CLTCL1: variants seen among roughly 807,000 people sequenced by gnomAD.
The protein encoded by CLTCL1 is clathrin heavy chain 2.
Under a neutral mutation model 190.0 loss-of-function variants are expected in CLTCL1, and 159 were observed. The observed-to-expected ratio is 0.84, with a 90% CI of 0.74 to 0.95. The LOEUF (loss-of-function observed/expected upper bound fraction) is 0.95. CLTCL1 is among the 40% of genes least tolerant of loss of function. The probability of loss-of-function intolerance (pLI) is 0.00; values close to 1 mark genes in which losing one functional copy is unlikely to be tolerated. For missense variants in CLTCL1, 1,878 were observed against 2,033.4 expected (o/e 0.92, Z 1.47); for synonymous variants, 752 against 769.6 (o/e 0.98, Z 0.38).
At chr22:19,259,825 C>A (rs375711304) in intron 2 of CLTCL1, among the ~76,000 whole-genome samples, 64 of 152,176 alleles carry the variant, frequency 4.2e-4, no homozygotes, top group African/African-American at 1.5e-3. Context: ...CACTTTAAGT[C>A]AAAAGTTAGG....
Position 19,225,552 on chromosome 22 carries a change from G to A in CLTCL1, c.2029C>T (p.Gln677Ter), listed in dbSNP as rs782731673. The stretch of plus-strand genomic sequence containing the variant: ...ACCTGCACACACAGCTGAAGGTTCT[G>A]TCTGATGTTAGCAGACAGCATGGCA... ...LHAMLSANIR[Q>*]NLQLCVQVAS... The change falls in exon 13 of 33, where the codon CAG (glutamine) becomes TAG (stop). Residue 677 changes from glutamine (Q) to a stop codon, truncating the protein, a stop_gained. Transcript: ENST00000427926. LOFTEE classifies it high-confidence loss of function. 1.3e-6 allele frequency: 2 copies of A among 1,588,684 alleles called. No homozygotes were observed. The highest frequency in any genetic ancestry group is 1.1e-5 in the South Asian group (1 of 87,182).
intron 27 of CLTCL1, 28 bp downstream of exon 27, chr22:19,191,276 C>T (rs2084494082): frequency 6.2e-7 from 1 of 1,613,806 alleles, no homozygotes; most frequent in Non-Finnish European, 8.5e-7. Context: ...CCAATACACT[C>T]TTCTACCTGG....
intron 18 of CLTCL1, 147 bp downstream of exon 18, chr22:19,219,738 C>T (rs1409033567): frequency 1.7e-5 from 20 of 1,170,976 alleles, no homozygotes; most frequent in Admixed American, 7.0e-5. Flanking sequence ...CACCCACCTC[C>T]GCCTCCCAAA....
At chr22:19,230,040 G>T in intron 10 of CLTCL1, 65 bp from the exon 11 acceptor site, 3 of 1,356,328 alleles carry the variant, frequency 2.2e-6, no homozygotes, top group Non-Finnish European at 2.9e-6. Flanking sequence ...TTTTCCTATT[G>T]AAATAGTTCC....
rs2086675086 is a variant in CLTCL1, at chr22:19,253,994, G to C, written c.484C>G (p.Gln162Glu). 1.2e-6 allele frequency: 2 copies of C among 1,613,154 alleles called. No homozygotes were observed. The highest frequency in any genetic ancestry group is 1.7e-6 in the Non-Finnish European group (2 of 1,179,614). The stretch of plus-strand genomic sequence containing the variant: ...ATGCCTACGAGCAGCAGCCACTTCT[G>C]GTACTCATCAGTCCGGTAGTGAATC... ...QVIHYRTDEY[Q>E]KWLLLVGISA... is the part of the protein sequence containing the mutation. The change falls in exon 3 of 33, where the codon CAG (glutamine) becomes GAG (glutamate). Residue 162 changes from glutamine to glutamate, a missense_variant. Physicochemically the swap from Gln to Glu is conservative, Grantham distance 29. Transcript: ENST00000427926.
At chr22:19,212,558 T>TGAAAGAAAGAGAAAGAAA (rs1205258374) in intron 19 of CLTCL1, among the ~76,000 whole-genome samples, 5 of 117,158 alleles carry the variant, frequency 4.3e-5, no homozygotes, top group Admixed American at 1.0e-4. Flanking sequence ...GAGACCCTAT[T>TGAAAGAAAGAGAAAGAAA]GAAAGAAAGA....
At chr22:19,216,946 G>A (rs2085403626) in intron 18 of CLTCL1, among the ~76,000 whole-genome samples, 1 of 152,134 alleles carries the variant, frequency 6.6e-6, no homozygotes. Context: ...TTCTCCTCAG[G>A]GGTGGGCAAC....
At position 19,226,215 on chromosome 22, in the gene CLTCL1, G is replaced by C. The variant is rs372402371; in HGVS notation, c.1947+4C>G. 90 of 1,613,328 alleles carry C rather than the reference G, an allele frequency of 5.6e-5. No homozygotes were observed. The African/African-American group carries it at 8.4e-4, about 15-fold the overall frequency. On this transcript the variant is annotated splice_donor_region_variant and intron_variant, in intron 12 of 32. Transcript: ENST00000427926. ...TAATAGGAGTGCCCAGGGGTACACA[G>C]TACCTCGGGATTGAGGAGGTGAGTG...
At chr22:19,218,701 T>C (rs2085468716) in intron 18 of CLTCL1, among the ~76,000 whole-genome samples, 1 of 152,180 alleles carries the variant, frequency 6.6e-6, no homozygotes, top group African/African-American at 2.4e-5. Context: ...CTAGGGACAG[T>C]GCTGAGGGCA....
chr22:19,221,053 G>A (rs566456219), intron 17 of CLTCL1, among the ~76,000 whole-genome samples: 116 of 152,274 alleles, frequency 7.6e-4, no homozygotes, highest in African/African-American at 2.7e-3. Context: ...GATCAAGTTC[G>A]GGAGTTGGGA....
At chr22:19,184,472 C>T in intron 29 of CLTCL1, 1 of 456,046 alleles carries the variant, frequency 2.2e-6, no homozygotes, top group Non-Finnish European at 4.4e-6. Context: ...TGAGCTGGCT[C>T]CGGAAAGAAG....
rs1219392493 is a variant in CLTCL1, at chr22:19,221,909, G to C, written c.2561+42C>G. On this transcript the variant is annotated intron_variant, in intron 16 of 32. Transcript: ENST00000427926. ...TAGACAGAAACAACAACAGACACTA[G>C]AATCCAGGGGTAAGAGAAAACACCA... 1.9e-6 allele frequency: 3 copies of C among 1,604,406 alleles called. No homozygotes were observed. The Admixed American group carries it at 5.0e-5, about 27-fold the overall frequency.
At chr22:19,276,468 C>G (rs914298679) in intron 1 of CLTCL1, among the ~76,000 whole-genome samples, 4 of 152,136 alleles carry the variant, frequency 2.6e-5, no homozygotes, top group African/African-American at 4.8e-5. Flanking sequence ...AAACTGAAAC[C>G]AAGCACCTTT....
chr22:19,199,940 C>A (rs2236761), intron 23 of CLTCL1, 99 bp from the exon 24 acceptor site: 3 of 691,130 alleles, frequency 4.3e-6, no homozygotes, highest in African/African-American at 3.6e-5. Flanking sequence ...GAAATACCAG[C>A]AGTGGGGTAT....
At chr22:19,272,394 G>A (rs980503914) in intron 2 of CLTCL1, among the ~76,000 whole-genome samples, 11 of 152,174 alleles carry the variant, frequency 7.2e-5, no homozygotes, top group African/African-American at 2.7e-4. Context: ...CTGAGCACTT[G>A]GGAGTTCACG....
chr22:19,249,848 GA>G, intron 3 of CLTCL1: 2 of 394,902 alleles, frequency 5.1e-6, no homozygotes, highest in East Asian at 1.5e-4. Flanking sequence ...CATCAAAGCT[GA>G]TTTTGAAACT....
At chr22:19,283,734 G>A (rs1200213050) in intron 1 of CLTCL1, among the ~76,000 whole-genome samples, 1 of 150,876 alleles carries the variant, frequency 6.6e-6, no homozygotes, top group African/African-American at 2.4e-5. Flanking sequence ...GCTCATGCCT[G>A]TAATCCCAGC....
chr22:19,240,627 AG>A lies in CLTCL1; in HGVS notation c.682-1240del, dbSNP rs148614173. Among the ~76,000 whole-genome samples, 1,432 of 152,342 alleles carry A rather than the reference AG, an allele frequency of 9.4e-3. 34 individuals carry two copies. The highest frequency in any genetic ancestry group is 0.068 in the East Asian group (353 of 5,188). The stretch of plus-strand genomic sequence containing the variant: ...GGTAGTTTAGGAAAATTATCTGGCT[AG>A]GCCTATTGGTAAGAAGGCGTGAAGC... On this transcript the variant is annotated intron_variant, in intron 4 of 32. Coordinates refer to ENST00000427926, the MANE Select transcript of CLTCL1 (RefSeq NM_007098.4).
intron 1 of CLTCL1, among the ~76,000 whole-genome samples, chr22:19,278,319 C>T (rs539772805): frequency 1.3e-5 from 2 of 152,106 alleles, no homozygotes; most frequent in Non-Finnish European, 2.9e-5. Flanking sequence ...AAAATAAGAA[C>T]ATGGGGGTCA....
Sources: allele counts gnomAD v4.1 joint callset (sites outside exome capture counted in the v4.1 genomes callset), GRCh38; gene constraint gnomAD v4.1.1; transcripts MANE v1.5; gene names NCBI Gene and HGNC (gene_info 2026-07-23, HGNC 2026-07-21).